Variants in SNTG2 observed in about 807,000 individuals in gnomAD.
SNTG2 encodes syntrophin gamma 2, also known as gamma-2-syntrophin.
SNTG2 carries 74 observed loss-of-function variants against 70.9 expected under a neutral mutation model. The observed-to-expected ratio is 1.04, with a 90% CI of 0.86 to 1.27. The LOEUF (loss-of-function observed/expected upper bound fraction) is 1.27, where lower values mean the gene tolerates loss of function less well. Ranked by LOEUF, SNTG2 falls within the 50% of genes most tolerant of loss-of-function variation. The probability of loss-of-function intolerance (pLI) is 0.00; values close to 1 mark genes in which losing one functional copy is unlikely to be tolerated. For synonymous variants in SNTG2, 278 were observed against 273.8 expected, an observed-to-expected ratio of 1.02 and a Z score of -0.15; for missense variants, 717 against 690.7, an observed-to-expected ratio of 1.04 and a Z score of -0.43.
In SNTG2 at chr2:1,353,056, G is replaced by T. The variant is rs1660666084; in HGVS notation, c.1489-14287G>T. Reference sequence around the variant, plus strand: ...CCAGCGTGTTCCTGTGCTGTGTCTGGCTCACCCCCACCCAGAAATCCACAT... The same window carrying T: ...CCAGCGTGTTCCTGTGCTGTGTCTGTCTCACCCCCACCCAGAAATCCACAT... On this transcript the variant is annotated intron_variant, in intron 16 of 16. Transcript: ENST00000308624. The surrounding 1 kb of genome is among the most constrained non-coding windows in gnomAD (Gnocchi z 4.2). Among the ~76,000 whole-genome samples the T allele has an allele frequency of 6.6e-6, 1 of 152,066 alleles. No individual in the cohort carries two copies. The highest frequency in any genetic ancestry group is 2.4e-5 in the African/African-American group (1 of 41,408).
chr2:1,103,657 G>A (rs1323582052), intron 4 of SNTG2, among the ~76,000 whole-genome samples: 1 of 152,046 alleles, frequency 6.6e-6, no homozygotes, highest in Non-Finnish European at 1.5e-5. Flanking sequence ...CAAAGTACTG[G>A]GATTACGGGC....
chr2:1,111,555 A>C (rs1300501291), intron 4 of SNTG2, among the ~76,000 whole-genome samples: 1 of 152,228 alleles, frequency 6.6e-6, no homozygotes, highest in African/African-American at 2.4e-5. Context: ...AAGTTCAGCC[A>C]GTGTTATGGC....
intron 1 of SNTG2, among the ~76,000 whole-genome samples, chr2:1,035,089 T>G (rs1377171663): frequency 6.6e-6 from 1 of 152,182 alleles, no homozygotes; most frequent in African/African-American, 2.4e-5. Context: ...TACATGGAAA[T>G]TAAACAAACT....
intron 4 of SNTG2, among the ~76,000 whole-genome samples, chr2:1,111,160 A>T (rs947782475): frequency 1.4e-4 from 21 of 152,252 alleles, no homozygotes; most frequent in African/African-American, 5.1e-4. Flanking sequence ...TGAATCAATG[A>T]AAGGCATGGT....
At chr2:1,306,674 G>A (rs1177286197) in intron 14 of SNTG2, among the ~76,000 whole-genome samples, 1 of 128,508 alleles carries the variant, frequency 7.8e-6, no homozygotes, top group African/African-American at 3.0e-5. Context: ...GCCTCCCTCG[G>A]CCAGGGTGTG....
At chr2:1,085,236 T>A (rs926964574) in intron 2 of SNTG2, among the ~76,000 whole-genome samples, 1 of 152,216 alleles carries the variant, frequency 6.6e-6, no homozygotes, top group Non-Finnish European at 1.5e-5. Flanking sequence ...AAACTTACCC[T>A]GCTTAATAGA....
intron 6 of SNTG2, among the ~76,000 whole-genome samples, chr2:1,145,033 A>G (rs1246760977): frequency 6.6e-6 from 1 of 152,266 alleles, no homozygotes; most frequent in Non-Finnish European, 1.5e-5. Context: ...ACTAAAAATA[A>G]TACAACTTAT....
intron 1 of SNTG2, chr2:1,059,179 C>T (rs892058130): frequency 6.6e-6 from 1 of 152,238 alleles, no homozygotes; most frequent in African/African-American, 2.4e-5. Flanking sequence ...ATTTACGAGA[C>T]TGAGGAAAGT....
intron 4 of SNTG2, among the ~76,000 whole-genome samples, chr2:1,125,261 T>C (rs899446358): frequency 5.9e-5 from 9 of 152,334 alleles, no homozygotes; most frequent in East Asian, 1.9e-4. Flanking sequence ...TTGCATAGCA[T>C]ATTTATTTCA....
intron 9 of SNTG2, 89 bp from the exon 10 acceptor site, chr2:1,237,799 A>G: frequency 6.7e-7 from 1 of 1,491,006 alleles, no homozygotes; most frequent in South Asian, 1.3e-5. Flanking sequence ...TCCAGGGTAG[A>G]GCCCTGCTGA....
chr2:1,169,943 G>C (rs1671013813), intron 7 of SNTG2, among the ~76,000 whole-genome samples: 1 of 151,482 alleles, frequency 6.6e-6, no homozygotes, highest in African/African-American at 2.4e-5. Context: ...ATTTAAGCAA[G>C]ACAGCCATAA....
At chr2:1,034,987 C>T (rs1661053410) in intron 1 of SNTG2, among the ~76,000 whole-genome samples, 1 of 152,164 alleles carries the variant, frequency 6.6e-6, no homozygotes, top group Non-Finnish European at 1.5e-5. Context: ...TCAGCAAATG[C>T]TAAGCAACTG....
intron 1 of SNTG2, among the ~76,000 whole-genome samples, chr2:961,471 G>A (rs886310067): frequency 3.3e-5 from 5 of 152,142 alleles, no homozygotes. Flanking sequence ...TACAGCTGCT[G>A]GGAGTTAACA....
chr2:997,216 G>A (rs749164433), intron 1 of SNTG2, among the ~76,000 whole-genome samples: 3 of 152,156 alleles, frequency 2.0e-5, no homozygotes, highest in Non-Finnish European at 2.9e-5. Flanking sequence ...TGTACTGGGG[G>A]CGTGACAAGC....
chr2:1,361,671 T>G (rs1661155638), intron 16 of SNTG2, among the ~76,000 whole-genome samples: 1 of 152,092 alleles, frequency 6.6e-6, no homozygotes, highest in Non-Finnish European at 1.5e-5. Flanking sequence ...AGAACTTCCA[T>G]GAAAGTCACC....
At chr2:1,298,399 G>A (rs933060725) in intron 14 of SNTG2, among the ~76,000 whole-genome samples, 1 of 152,188 alleles carries the variant, frequency 6.6e-6, no homozygotes, top group East Asian at 1.9e-4. Context: ...CTCCCAAAGT[G>A]CTGGGATTAC....
Position 1,071,663 on chromosome 2 carries a change from AC to A in SNTG2, c.73-11854del, listed in dbSNP as rs1348584842. 1.1e-4 allele frequency among the ~76,000 whole-genome samples: 17 copies of A among 150,222 alleles called. No homozygotes were observed. The South Asian group carries it at 1.9e-3, about 17-fold the overall frequency. ...AAAGTATAATAATAAAAAAAAAAAA[AC>A]TAGAGAAGATCAAGCTTAGTGAGGG... On this transcript the variant is annotated intron_variant, in intron 1 of 16. Coordinates refer to ENST00000308624, the MANE Select transcript of SNTG2 (RefSeq NM_018968.4).
intron 1 of SNTG2, among the ~76,000 whole-genome samples, chr2:979,129 T>C (rs1371496807): frequency 6.6e-6 from 1 of 152,164 alleles, no homozygotes; most frequent in Non-Finnish European, 1.5e-5. Context: ...CAAATGGAAA[T>C]TGAAATGAAA....
At chr2:1,328,916 C>CAT (rs1034516435) in intron 16 of SNTG2, among the ~76,000 whole-genome samples, 9 of 102,992 alleles carry the variant, frequency 8.7e-5, no homozygotes, top group African/African-American at 2.9e-4. Context: ...CACATGCACA[C>CAT]ATACACACGC....
Sources: gnomAD v4.1 joint callset for allele counts (sites outside exome capture counted in the v4.1 genomes callset) on GRCh38, gnomAD v4.1.1 for gene constraint, Gnocchi (gnomAD v3.1) non-coding constraint, MANE v1.5 for transcripts, NCBI Gene and HGNC (gene_info 2026-07-23, HGNC 2026-07-21) for gene names.